SDCCAG8: variants seen among roughly 807,000 people sequenced by gnomAD.
SDCCAG8 encodes SHH signaling and ciliogenesis regulator SDCCAG8, also known as serologically defined colon cancer antigen 8.
In SDCCAG8, 74 loss-of-function variants were observed where a neutral mutation model predicts 101.8. The ratio of observed to expected loss-of-function variants is 0.73; its 90% CI spans 0.60 to 0.88. The LOEUF is 0.88. SDCCAG8 is among the 40% of genes least tolerant of loss of function. The probability of loss-of-function intolerance (pLI) is 0.00; values close to 1 mark genes in which losing one functional copy is unlikely to be tolerated. For synonymous variants in SDCCAG8, 281 were observed against 292.9 expected (o/e 0.96, Z 0.41); for missense variants, 787 against 822.6 (o/e 0.96, Z 0.53).
chr1:243,383,687 A>G (rs2078095443), intron 13 of SDCCAG8, among the ~76,000 whole-genome samples: 1 of 152,154 alleles, frequency 6.6e-6, no homozygotes, highest in South Asian at 2.1e-4. Context: ...GTGAATATTC[A>G]TAAGCCTCTG....
chr1:243,352,195 G>A (rs2076120976), intron 12 of SDCCAG8, among the ~76,000 whole-genome samples: 1 of 152,112 alleles, frequency 6.6e-6, no homozygotes, highest in Non-Finnish European at 1.5e-5. Context: ...AGCAATTTAG[G>A]TATATTTAGA....
intron 16 of SDCCAG8, among the ~76,000 whole-genome samples, chr1:243,462,541 T>C (rs1659328860): frequency 6.6e-6 from 1 of 152,250 alleles, no homozygotes; most frequent in Admixed American, 6.5e-5. Flanking sequence ...TTGGCTGTCT[T>C]GTTCTCCACT....
At chr1:243,257,901 G>A (rs2066896291) in intron 1 of SDCCAG8, among the ~76,000 whole-genome samples, 1 of 152,114 alleles carries the variant, frequency 6.6e-6, no homozygotes, top group Non-Finnish European at 1.5e-5. Context: ...AGTTTTTCCT[G>A]ATGCTTCTCT....
At chr1:243,348,727 G>C (rs1573477539) in intron 12 of SDCCAG8, among the ~76,000 whole-genome samples, 1 of 151,030 alleles carries the variant, frequency 6.6e-6, no homozygotes, top group African/African-American at 2.4e-5. Context: ...TAATCCCAGC[G>C]CTTTGGGAGG....
intron 16 of SDCCAG8, among the ~76,000 whole-genome samples, chr1:243,446,040 A>ATT (rs199616010): frequency 0.01 from 1,568 of 152,288 alleles, 16 homozygotes; most frequent in Non-Finnish European, 0.013. Flanking sequence ...TGTGCTGGTG[A>ATT]GTAGCAGTCA....
At chr1:243,271,968 G>A (rs1388235320) in intron 3 of SDCCAG8, among the ~76,000 whole-genome samples, 1 of 152,186 alleles carries the variant, frequency 6.6e-6, no homozygotes, top group Non-Finnish European at 1.5e-5. Flanking sequence ...TTGACAGAGT[G>A]TATTATTTCT....
intron 12 of SDCCAG8, among the ~76,000 whole-genome samples, chr1:243,366,592 C>T (rs1236252468): frequency 2.6e-5 from 4 of 151,826 alleles, no homozygotes; most frequent in African/African-American, 9.7e-5. Context: ...TTATAATTTC[C>T]TGCTGTAAAT....
At chr1:243,319,007 A>G (rs551110709) in intron 9 of SDCCAG8, among the ~76,000 whole-genome samples, 7 of 152,320 alleles carry the variant, frequency 4.6e-5, no homozygotes, top group Admixed American at 3.3e-4. Flanking sequence ...CATGGTGCCA[A>G]CATATGCTTC....
At chr1:243,301,734 C>T (rs771055211) in intron 6 of SDCCAG8, among the ~76,000 whole-genome samples, 15 of 151,720 alleles carry the variant, frequency 9.9e-5, no homozygotes, top group Non-Finnish European at 1.8e-4. Flanking sequence ...GAAAAGCATA[C>T]CTGTAGACTC....
intron 16 of SDCCAG8, among the ~76,000 whole-genome samples, chr1:243,450,009 G>A (rs1025357910): frequency 1.3e-5 from 2 of 152,156 alleles, no homozygotes; most frequent in Non-Finnish European, 2.9e-5. Flanking sequence ...GGTTGGGTAG[G>A]GGCAGGGTTA....
intron 12 of SDCCAG8, among the ~76,000 whole-genome samples, chr1:243,348,267 G>C (rs1194915529): frequency 6.7e-6 from 1 of 149,590 alleles, no homozygotes; most frequent in African/African-American, 2.5e-5. Flanking sequence ...AGCCAGGATG[G>C]TCTCGATCTC....
chr1:243,330,656 G>A lies in SDCCAG8; in HGVS notation c.1185G>A (p.Lys395=), dbSNP rs923361243. 1 of 1,613,842 alleles carries A rather than the reference G, an allele frequency of 6.2e-7. No homozygotes were observed. The highest frequency in any genetic ancestry group is 8.5e-7 in the Non-Finnish European group (1 of 1,179,984). Residue 395 remains lysine (K), a synonymous_variant, in exon 10 of 18, where the codon AAG becomes AAA. Coordinates refer to ENST00000366541, the MANE Select transcript of SDCCAG8 (RefSeq NM_006642.5). ...KRAIEKDMMK[K]EITKEREYMG... is the part of the protein sequence containing the mutation. ...CCATTGAGAAAGACATGATGAAAAAGGAAATAACGAAAGAAAGGGAGTACA... is the reference window on the plus strand; with the variant it reads ...CCATTGAGAAAGACATGATGAAAAAAGAAATAACGAAAGAAAGGGAGTACA...
intron 1 of SDCCAG8, among the ~76,000 whole-genome samples, chr1:243,260,744 A>G (rs952668111): frequency 6.6e-6 from 1 of 152,158 alleles, no homozygotes; most frequent in Non-Finnish European, 1.5e-5. Flanking sequence ...AAATGAAACA[A>G]ACTTCTTGTA....
At position 243,458,919 on chromosome 1, in the gene SDCCAG8, A is replaced by G. The variant is rs886992734; in HGVS notation, c.1986-30095A>G. Among the ~76,000 whole-genome samples the G allele has an allele frequency of 6.6e-6, 1 of 152,244 alleles. No individual in the cohort carries two copies. Among genetic ancestry groups the G allele is most frequent in the African/African-American group, 2.4e-5 (1 of 41,466 alleles). On this transcript the variant is annotated intron_variant, in intron 16 of 17. Transcript: ENST00000366541. This position sits in a 1 kb window ranked among gnomAD's most constrained non-coding sequence, Gnocchi z 4.5. ...ATACGTGCCTTAAGCTATTGCATGAATATCTCTATGTGGGAAATTCTTGTG... is the reference window on the plus strand; with the variant it reads ...ATACGTGCCTTAAGCTATTGCATGAGTATCTCTATGTGGGAAATTCTTGTG...
intron 6 of SDCCAG8, among the ~76,000 whole-genome samples, chr1:243,301,740 G>T (rs975131844): frequency 6.6e-6 from 1 of 151,720 alleles, no homozygotes; most frequent in Non-Finnish European, 1.5e-5. Flanking sequence ...CATACCTGTA[G>T]ACTCTAATAT....
At chr1:243,448,821 G>A (rs1281120870) in intron 16 of SDCCAG8, among the ~76,000 whole-genome samples, 5 of 152,204 alleles carry the variant, frequency 3.3e-5, no homozygotes, top group Non-Finnish European at 1.5e-5. Context: ...CTGGCCCTTA[G>A]AAGGCATTTA....
intron 13 of SDCCAG8, among the ~76,000 whole-genome samples, chr1:243,399,856 G>A (rs1444975403): frequency 3.9e-5 from 6 of 152,206 alleles, no homozygotes; most frequent in African/African-American, 1.2e-4. Flanking sequence ...ATAACCTCCC[G>A]CATAAACGCT....
chr1:243,300,109 C>T (rs1399025915), intron 6 of SDCCAG8, among the ~76,000 whole-genome samples: 19 of 151,032 alleles, frequency 1.3e-4, no homozygotes, highest in Admixed American at 9.9e-4. Context: ...GTGATCCGCC[C>T]GCCTTGGCCT....
intron 16 of SDCCAG8, among the ~76,000 whole-genome samples, chr1:243,440,488 C>T (rs897856278): frequency 2.0e-5 from 3 of 152,140 alleles, no homozygotes; most frequent in African/African-American, 7.2e-5. Flanking sequence ...GGGCAGTTCA[C>T]TTTGCCTGTC....
Sources: allele counts gnomAD v4.1 joint callset (sites outside exome capture counted in the v4.1 genomes callset), GRCh38; gene constraint gnomAD v4.1.1; non-coding constraint Gnocchi (gnomAD v3.1); transcripts MANE v1.5; gene names NCBI Gene and HGNC (gene_info 2026-07-23, HGNC 2026-07-21).